The following INPP4B variants were observed in gnomAD, a reference collection of about 807,000 sequenced individuals.
INPP4B encodes the protein inositol polyphosphate-4-phosphatase type II B.
A neutral mutation model predicts 122.5 loss-of-function variants in INPP4B; 55 were observed. The observed-to-expected ratio is 0.45, with a 90% confidence interval of 0.36 to 0.56. INPP4B has a LOEUF of 0.56. INPP4B is among the 20% of genes least tolerant of loss of function. The probability of loss-of-function intolerance (pLI) is 0.00; values close to 1 mark genes in which losing one functional copy is unlikely to be tolerated. For synonymous variants in INPP4B, 403 were observed against 388.7 expected (o/e 1.04, Z -0.43); for missense variants, 1,000 against 1,097.7 (o/e 0.91, Z 1.26).
intron 2 of INPP4B, among the ~76,000 whole-genome samples, chr4:142,680,942 TAC>T (rs1413310657): frequency 6.6e-6 from 1 of 151,916 alleles, no homozygotes; most frequent in African/African-American, 2.4e-5. Flanking sequence ...AGACACTTTT[TAC>T]AGACATTCAT....
intron 2 of INPP4B, among the ~76,000 whole-genome samples, chr4:142,525,035 C>T (rs1333440402): frequency 1.3e-5 from 2 of 151,516 alleles, no homozygotes; most frequent in East Asian, 3.9e-4. Context: ...GCAACTTCAG[C>T]AAAGTCTCAG....
intron 16 of INPP4B, among the ~76,000 whole-genome samples, chr4:142,168,636 G>A (rs1824049289): frequency 6.6e-6 from 1 of 151,610 alleles, no homozygotes; most frequent in Non-Finnish European, 1.5e-5. Context: ...CTGGTGGAAA[G>A]ATAAACTATT....
chr4:142,388,678 C>T (rs1260515615), intron 7 of INPP4B, among the ~76,000 whole-genome samples: 1 of 152,088 alleles, frequency 6.6e-6, no homozygotes, highest in African/African-American at 2.4e-5. Context: ...TTTGAGAGAG[C>T]TTTAATTTAG....
intron 9 of INPP4B, among the ~76,000 whole-genome samples, chr4:142,304,787 A>G (rs1762732585): frequency 6.6e-6 from 1 of 152,184 alleles, no homozygotes; most frequent in Admixed American, 6.5e-5. Flanking sequence ...AAGTTACTAT[A>G]TGATTAGAAA....
chr4:142,076,086 G>A (rs551453456), intron 25 of INPP4B, among the ~76,000 whole-genome samples: 1 of 152,038 alleles, frequency 6.6e-6, no homozygotes, highest in South Asian at 2.1e-4. Flanking sequence ...TCTGTACTAT[G>A]GCCTCCACAC....
chr4:142,297,374 G>A (rs961792972), intron 9 of INPP4B, among the ~76,000 whole-genome samples: 2 of 152,168 alleles, frequency 1.3e-5, no homozygotes, highest in East Asian at 1.9e-4. Flanking sequence ...TTGGATGTCC[G>A]CTCCAAATCT....
intron 3 of INPP4B, among the ~76,000 whole-genome samples, chr4:142,440,980 T>G (rs1811582078): frequency 6.6e-6 from 1 of 152,170 alleles, no homozygotes; most frequent in Non-Finnish European, 1.5e-5. Flanking sequence ...GTGGTGGTTA[T>G]TCCTTATCTG....
At chr4:142,474,987 A>C (rs1336257733) in intron 2 of INPP4B, among the ~76,000 whole-genome samples, 3 of 152,212 alleles carry the variant, frequency 2.0e-5, no homozygotes, top group African/African-American at 7.2e-5. Context: ...TTTCTAGACC[A>C]GCAGTTTTGC....
chr4:142,775,951 T>A (rs1773849439), intron 1 of INPP4B, among the ~76,000 whole-genome samples: 2 of 152,292 alleles, frequency 1.3e-5, no homozygotes, highest in Admixed American at 6.5e-5. Context: ...TCAACTGATA[T>A]GATCATACAA....
chr4:142,785,408 T>G (rs1372639042), intron 1 of INPP4B, among the ~76,000 whole-genome samples: 1 of 151,908 alleles, frequency 6.6e-6, no homozygotes, highest in African/African-American at 2.4e-5. Context: ...TAATTATAAC[T>G]AATATATTAA....
intron 7 of INPP4B, among the ~76,000 whole-genome samples, chr4:142,379,023 T>C (rs535222530): frequency 1.7e-4 from 26 of 152,204 alleles, no homozygotes; most frequent in African/African-American, 5.8e-4. Flanking sequence ...TTAAATCCTA[T>C]CCAATTAATA....
intron 2 of INPP4B, among the ~76,000 whole-genome samples, chr4:142,670,487 T>C (rs1001601735): frequency 3.3e-5 from 5 of 152,116 alleles, no homozygotes; most frequent in Non-Finnish European, 7.4e-5. Context: ...GGAAGTCCTG[T>C]CATTTGTGAG....
At chr4:142,761,168 CA>C (rs1475281102) in intron 1 of INPP4B, among the ~76,000 whole-genome samples, 3 of 99,024 alleles carry the variant, frequency 3.0e-5, no homozygotes, top group East Asian at 1.7e-3. Flanking sequence ...ATAAAATAAG[CA>C]ATTTTTTTTT....
chr4:142,142,007 T>C (rs1447734884), intron 18 of INPP4B, among the ~76,000 whole-genome samples: 2 of 151,956 alleles, frequency 1.3e-5, no homozygotes, highest in African/African-American at 4.8e-5. Context: ...ATACAGAATC[T>C]AATAAACAAA....
chr4:142,779,181 T>C (rs1774397063), intron 1 of INPP4B, among the ~76,000 whole-genome samples: 1 of 152,026 alleles, frequency 6.6e-6, no homozygotes, highest in African/African-American at 2.4e-5. Flanking sequence ...GAGATAAAAC[T>C]CAATATTTTT....
chr4:142,108,402 C>G (rs1268461523), intron 22 of INPP4B, among the ~76,000 whole-genome samples: 1 of 40,690 alleles, frequency 2.5e-5, no homozygotes, highest in Admixed American at 4.3e-4. Flanking sequence ...CCTCAAATAT[C>G]CTCACAATCA....
chr4:142,248,306 C>G (rs548475815), intron 11 of INPP4B, among the ~76,000 whole-genome samples: 32 of 149,806 alleles, frequency 2.1e-4, no homozygotes, highest in Admixed American at 2.7e-4. Context: ...TTCCCTCTCT[C>G]TGTCTCTGTG....
chr4:142,321,582 A>G (rs1445326317), intron 7 of INPP4B, among the ~76,000 whole-genome samples: 1 of 152,136 alleles, frequency 6.6e-6, no homozygotes, highest in East Asian at 1.9e-4. Flanking sequence ...TAAGTCTTTG[A>G]TCCATCTTGA....
chr4:142,314,623 G>A, intron 8 of INPP4B, 89 bp downstream of exon 8: 5 of 1,206,666 alleles, frequency 4.1e-6, no homozygotes, highest in Non-Finnish European at 6.0e-6. Flanking sequence ...AATTTTATTT[G>A]TCAGTTACCA....
Sources: allele counts gnomAD v4.1 joint callset (sites outside exome capture counted in the v4.1 genomes callset), GRCh38; gene constraint gnomAD v4.1.1; transcripts MANE v1.5; gene names NCBI Gene and HGNC (gene_info 2026-07-23, HGNC 2026-07-21).